The following ANXA11 variants were observed in gnomAD, a reference collection of about 807,000 sequenced individuals.
ANXA11 encodes the protein 56 kDa autoantigen.
In ANXA11, 57 loss-of-function variants were observed where a neutral mutation model predicts 64.7. That is an observed-to-expected ratio of 0.88 (90% CI 0.71 to 1.10). The LOEUF (loss-of-function observed/expected upper bound fraction) is 1.10, where lower values mean the gene tolerates loss of function less well. Among genes scored for constraint, ANXA11 ranks in the 50% least tolerant of loss-of-function variants. The pLI, the probability that ANXA11 is intolerant of heterozygous loss-of-function variation, is 0.00. For missense variants in ANXA11, 675 were observed against 670.7 expected (o/e 1.01, Z -0.07); for synonymous variants, 260 against 265.2 (o/e 0.98, Z 0.19).
intron 1 of ANXA11, among the ~76,000 whole-genome samples, chr10:80,186,557 T>C (rs1280258225): frequency 6.6e-6 from 1 of 151,968 alleles, no homozygotes; most frequent in Non-Finnish European, 1.5e-5. Context: ...GGCAGGGAGA[T>C]ATGAAAGACC....
At chr10:80,202,820 C>A (rs868660276) in intron 1 of ANXA11, among the ~76,000 whole-genome samples, 33 of 151,922 alleles carry the variant, frequency 2.2e-4, no homozygotes, top group African/African-American at 7.5e-4. Context: ...CTGAGGCAGG[C>A]AGATCACCTG....
intron 15 of ANXA11, 168 bp downstream of exon 15, chr10:80,157,473 G>A (rs985046901): frequency 1.0e-6 from 1 of 985,376 alleles, no homozygotes; most frequent in African/African-American, 1.7e-5. Context: ...CCTGCCCTCA[G>A]AAATTTATAA....
chr10:80,179,372 T>G (rs1341068028), intron 1 of ANXA11, among the ~76,000 whole-genome samples: 1 of 152,378 alleles, frequency 6.6e-6, no homozygotes, highest in East Asian at 1.9e-4. Context: ...CAACCTGGCA[T>G]AGGCCCAGCC....
At chr10:80,173,636 T>C (rs1266137659) in intron 2 of ANXA11, among the ~76,000 whole-genome samples, 1 of 152,146 alleles carries the variant, frequency 6.6e-6, no homozygotes, top group Non-Finnish European at 1.5e-5. Context: ...GCCAGTTAAA[T>C]TGTGAGGAGG....
chr10:80,151,168 T>A lies in ANXA11; in HGVS notation c.*4685A>T, dbSNP rs925213416. The A allele has an allele frequency of 7.9e-5, 12 of 152,146 alleles. No homozygotes were observed. The highest frequency in any genetic ancestry group is 2.9e-4 in the African/African-American group (12 of 41,424). 9.4% of individuals were successfully genotyped at this position (152,146 alleles called of 1,614,324 possible). ...GGCTGAGCTGAGATCAGAATAAGGA[T>A]GTTTGACTCTCAGGTCAGAGCTCTT... On this transcript the variant is annotated 3_prime_UTR_variant, in exon 16 of 16. Coordinates refer to ENST00000422982, the MANE Select transcript of ANXA11 (RefSeq NM_145868.2).
Position 80,155,273 on chromosome 10 carries a change from A to G in ANXA11, c.*580T>C, listed in dbSNP as rs1027017682. 6.5e-6 allele frequency: 1 copy of G among 152,936 alleles called. No homozygotes were observed. Among genetic ancestry groups the G allele is most frequent in the Non-Finnish European group, 1.5e-5 (1 of 68,330 alleles). The allele number at this position is 152,936 out of a possible 1,614,324, so 9.5% of individuals were successfully genotyped here. On this transcript the variant is annotated 3_prime_UTR_variant, in exon 16 of 16. Transcript: ENST00000422982. ...CTTTGTTCTCGTGGTTTCTGCAAGG[A>G]AGATGGAAGGAATGACTTTCTGGCC...
At chr10:80,205,267 G>A (rs1840623314) in intron 1 of ANXA11, 76 bp downstream of exon 1, 1 of 151,746 alleles carries the variant, frequency 6.6e-6, no homozygotes, top group South Asian at 2.1e-4. Context: ...GGCAGCCCCG[G>A]GCCTCACCCG....
chr10:80,198,445 G>A (rs1471759050), intron 1 of ANXA11, among the ~76,000 whole-genome samples: 3 of 152,242 alleles, frequency 2.0e-5, no homozygotes, highest in Non-Finnish European at 4.4e-5. Context: ...GCAGTTAAGG[G>A]AGGCACCTAG....
At position 80,155,667 on chromosome 10, in the gene ANXA11, G is replaced by C; in HGVS notation, c.*186C>G. ...ATGGGGTAGAAAAGGCATCCTGAGA[G>C]AGTTCTAGACCGACCCAGGTCCTGT... is the stretch of plus-strand genomic sequence containing the variant. On this transcript the variant is annotated 3_prime_UTR_variant, in exon 16 of 16. Coordinates refer to ENST00000422982, the MANE Select transcript of ANXA11 (RefSeq NM_145868.2). 1 of 593,516 alleles carries C rather than the reference G, an allele frequency of 1.7e-6. No homozygotes were observed. 36.8% of individuals were successfully genotyped at this position (593,516 alleles called of 1,614,324 possible).
chr10:80,170,941 C>G, intron 3 of ANXA11, 26 bp from the exon 4 acceptor site: 1 of 1,573,324 alleles, frequency 6.4e-7, no homozygotes, highest in Non-Finnish European at 8.6e-7. Flanking sequence ...AGCCCTTTAG[C>G]CCCCTGCCAG....
At position 80,200,016 on chromosome 10, in the gene ANXA11, C is replaced by T. The variant is rs1012694389; in HGVS notation, c.-58+5327G>A. On this transcript the variant is annotated intron_variant, in intron 1 of 15. Coordinates refer to ENST00000422982, the MANE Select transcript of ANXA11 (RefSeq NM_145868.2). ...GCTGTCTGGAATGAGGAAGGAAATG[C>T]GTAAATGAGAGGCAGAGCAGTCCGC... Among the ~76,000 whole-genome samples the T allele has an allele frequency of 5.9e-5, 9 of 152,178 alleles. No individual in the cohort carries two copies. The East Asian group carries it at 7.7e-4, about 13-fold the overall frequency.
At chr10:80,193,621 A>T (rs1419365711) in intron 1 of ANXA11, among the ~76,000 whole-genome samples, 2 of 151,966 alleles carry the variant, frequency 1.3e-5, no homozygotes, top group Non-Finnish European at 2.9e-5. Context: ...AGGCAGGCAG[A>T]TCACTTGAGG....
chr10:80,166,032 ACACACGCGCG>A (rs1845709262), intron 8 of ANXA11, 42 bp downstream of exon 8: 4 of 964,486 alleles, frequency 4.1e-6, no homozygotes, highest in Middle Eastern at 2.2e-4. Context: ...GCGCGTGCGC[ACACACGCGCG>A]CACACACACA....
At chr10:80,188,511 A>ATATATATATATATATATATACATG (rs1554834982) in intron 1 of ANXA11, among the ~76,000 whole-genome samples, 1 of 126,504 alleles carries the variant, frequency 7.9e-6, no homozygotes, top group African/African-American at 3.0e-5. Context: ...ATATATATAT[A>ATATATATATATATATATATACATG]GCACTACAAC....
chr10:80,170,945 CT>C (rs1217574853), intron 3 of ANXA11, 30 bp from the exon 4 acceptor site: 1 of 1,567,384 alleles, frequency 6.4e-7, no homozygotes, highest in Non-Finnish European at 8.6e-7. Context: ...CTTTAGCCCC[CT>C]GCCAGTCCCC....
intron 5 of ANXA11, among the ~76,000 whole-genome samples, chr10:80,167,681 C>T: frequency 6.6e-6 from 1 of 152,214 alleles, no homozygotes; most frequent in South Asian, 2.1e-4. Flanking sequence ...GCCTCCACAG[C>T]ACATGTGAGC....
rs1380647743 is a variant in ANXA11, at chr10:80,172,656, C to CT, written c.55+150dup. 34 of 763,112 alleles carry CT rather than the reference C, an allele frequency of 4.5e-5. No individual in the cohort carries two copies. In the Admixed American group the frequency reaches 7.0e-4, roughly 16 times the overall value. 47.3% of individuals were successfully genotyped at this position (763,112 alleles called of 1,614,324 possible). On this transcript the variant is annotated intron_variant, in intron 3 of 15. Coordinates refer to ENST00000422982, the MANE Select transcript of ANXA11 (RefSeq NM_145868.2). ...CTTCTCCAGCCCCTGCCTCGGCTGGCTGTCCCACTACTCCTGTTGTCCTCT... is the reference window on the plus strand; with the variant it reads ...CTTCTCCAGCCCCTGCCTCGGCTGGCTTGTCCCACTACTCCTGTTGTCCTCT...
At chr10:80,178,412 T>A (rs1000523909) in intron 1 of ANXA11, among the ~76,000 whole-genome samples, 1 of 152,190 alleles carries the variant, frequency 6.6e-6, no homozygotes, top group Non-Finnish European at 1.5e-5. Flanking sequence ...GGAGAGGGCC[T>A]CCTGCACACA....
At chr10:80,170,711 A>T in intron 4 of ANXA11, 89 bp downstream of exon 4, 1 of 1,057,962 alleles carries the variant, frequency 9.5e-7, no homozygotes, top group Non-Finnish European at 1.3e-6. Flanking sequence ...CACATAGACA[A>T]CTCTGGAGCC....
Sources: allele counts gnomAD v4.1 joint callset (sites outside exome capture counted in the v4.1 genomes callset), GRCh38; gene constraint gnomAD v4.1.1; transcripts MANE v1.5; gene names NCBI Gene and HGNC (gene_info 2026-07-23, HGNC 2026-07-21).